HSPA12A: variants seen among roughly 807,000 people sequenced by gnomAD.
HSPA12A encodes heat shock protein family A (Hsp70) member 12A.
A neutral mutation model predicts 69.2 loss-of-function variants in HSPA12A; 28 were observed. The ratio of observed to expected loss-of-function variants is 0.40; its 90% CI spans 0.30 to 0.55. HSPA12A has a LOEUF of 0.55. Among genes scored for constraint, HSPA12A ranks in the 20% least tolerant of loss-of-function variants. The probability of loss-of-function intolerance (pLI) is 0.38; values close to 1 mark genes in which losing one functional copy is unlikely to be tolerated. For synonymous variants in HSPA12A, 345 were observed against 370.5 expected (o/e 0.93, Z 0.79); for missense variants, 686 against 900.7 (o/e 0.76, Z 3.05).
intron 1 of HSPA12A, among the ~76,000 whole-genome samples, chr10:116,729,460 G>A (rs1249794253): frequency 6.6e-6 from 1 of 152,230 alleles, no homozygotes; most frequent in South Asian, 2.1e-4. Flanking sequence ...AACGACATGA[G>A]GGTTAGGGGC....
rs1367712490 is a variant in HSPA12A at position 116,710,633 on chromosome 10, G to A, written c.41-3348C>T. ...GGCCTAGAGGCAGCCGAACTTCATG[G>A]ACTTTTTCCATCAGAAGTTAAAATT... On this transcript the variant is annotated intron_variant, in intron 1 of 11. Transcript: ENST00000369209. This position sits in a 1 kb window ranked among gnomAD's most constrained non-coding sequence, Gnocchi z 4.1. 6.6e-6 allele frequency among the ~76,000 whole-genome samples: 1 copy of A among 152,176 alleles called. No individual in the cohort carries two copies. Among genetic ancestry groups the A allele is most frequent in the Non-Finnish European group, 1.5e-5 (1 of 68,044 alleles).
chr10:116,688,759 T>C (rs1484223246), intron 6 of HSPA12A, among the ~76,000 whole-genome samples: 3 of 152,204 alleles, frequency 2.0e-5, no homozygotes, highest in African/African-American at 4.8e-5. Context: ...ATCATACATA[T>C]GGGAGCAGCA....
Position 116,672,538 on chromosome 10 carries a change from A to G in HSPA12A, c.*2243T>C, listed in dbSNP as rs1359515107. The stretch of plus-strand genomic sequence containing the variant: ...TTGCTCGGTCTTGCGTACATAGTCC[A>G]TAGCTTGGCATCAGCACAGATCGAT... On this transcript the variant is annotated 3_prime_UTR_variant, in exon 12 of 12. Transcript: ENST00000369209. 3 of 152,386 alleles carry G rather than the reference A, an allele frequency of 2.0e-5. No individual in the cohort carries two copies. Among genetic ancestry groups the G allele is most frequent in the Non-Finnish European group, 4.4e-5 (3 of 68,040 alleles). 9.4% of individuals were successfully genotyped at this position (152,386 alleles called of 1,614,324 possible).
intron 1 of HSPA12A, among the ~76,000 whole-genome samples, chr10:116,735,539 CCCAGCCGACAG>C (rs781794066): frequency 3.3e-5 from 5 of 152,268 alleles, no homozygotes; most frequent in South Asian, 2.1e-4. Context: ...GAGAACGAAG[CCCAGCCGACAG>C]CCAGCACCAA....
At chr10:116,810,710 T>C (rs1173575748) in intron 2 of HSPA12A, among the ~76,000 whole-genome samples, 1 of 152,148 alleles carries the variant, frequency 6.6e-6, no homozygotes, top group Non-Finnish European at 1.5e-5. Flanking sequence ...TCAGAAACTC[T>C]GAGGGTGGGC....
At chr10:116,771,580 G>A (rs781961336) in intron 2 of HSPA12A, among the ~76,000 whole-genome samples, 15 of 152,314 alleles carry the variant, frequency 9.8e-5, no homozygotes, top group East Asian at 9.7e-4. Context: ...GGATGTTTCC[G>A]GAATGAATAC....
At chr10:116,847,798 G>C (rs546030293) in intron 1 of HSPA12A, among the ~76,000 whole-genome samples, 5 of 152,222 alleles carry the variant, frequency 3.3e-5, no homozygotes, top group Admixed American at 6.5e-5. Flanking sequence ...GGGTTATAGG[G>C]GGAGACTCTT....
chr10:116,801,650 T>C (rs920302499), intron 2 of HSPA12A, among the ~76,000 whole-genome samples: 29 of 152,122 alleles, frequency 1.9e-4, no homozygotes, highest in African/African-American at 5.8e-4. Flanking sequence ...AAAAAAAGCA[T>C]ATTTATTATA....
rs936961212 is a variant in HSPA12A at position 116,762,666 on chromosome 10, C to A, written c.92-55381G>T. Reference sequence around the variant, plus strand: ...TGGCACAGTCTCGGCTCACTACAACCTTCACCTCCTGGGTTCAAGCGATTC... The same window carrying A: ...TGGCACAGTCTCGGCTCACTACAACATTCACCTCCTGGGTTCAAGCGATTC... On this transcript the variant is annotated intron_variant, in intron 2 of 12. Coordinates refer to the HSPA12A transcript ENST00000635765. Among the ~76,000 whole-genome samples, 22 of 152,332 alleles carry A rather than the reference C, an allele frequency of 1.4e-4. No homozygotes were observed. The East Asian group carries it at 2.5e-3, about 17-fold the overall frequency.
chr10:116,741,702 C>T (rs1289002428), intron 1 of HSPA12A, among the ~76,000 whole-genome samples: 6 of 152,192 alleles, frequency 3.9e-5, no homozygotes, highest in Admixed American at 1.3e-4. Context: ...GAGCCCTAAT[C>T]ACGCTCCCCA....
chr10:116,676,050 T>TG (rs1693241701), intron 11 of HSPA12A, among the ~76,000 whole-genome samples: 1 of 152,248 alleles, frequency 6.6e-6, no homozygotes, highest in African/African-American at 2.4e-5. Context: ...CAGGTAACAT[T>TG]GCCTCAGAGC....
intron 2 of HSPA12A, among the ~76,000 whole-genome samples, chr10:116,795,193 A>G (rs1637562): frequency 0.81 from 123,900 of 152,128 alleles, 52,743 homozygotes; most frequent in Non-Finnish European, 0.93. Context: ...CCTGCAAGGA[A>G]AGGTCCCTTC....
rs540426749 is a variant in HSPA12A at position 116,679,247 on chromosome 10, G to A, written c.1286+256C>T. Among the ~76,000 whole-genome samples, 5 of 152,332 alleles carry A rather than the reference G, an allele frequency of 3.3e-5. No individual in the cohort carries two copies. The South Asian group carries it at 1.0e-3, about 32-fold the overall frequency. On this transcript the variant is annotated intron_variant, in intron 10 of 11. Coordinates refer to ENST00000369209, the MANE Select transcript of HSPA12A (RefSeq NM_025015.3). Reference sequence around the variant, plus strand: ...GCAAACACATAGATAATACTTGCCAGGTCCCAGGCATTGTTCTAAGCACCC... The same window carrying A: ...GCAAACACATAGATAATACTTGCCAAGTCCCAGGCATTGTTCTAAGCACCC...
At chr10:116,725,836 C>A (rs1850936154) in intron 1 of HSPA12A, among the ~76,000 whole-genome samples, 1 of 151,990 alleles carries the variant, frequency 6.6e-6, no homozygotes, top group Non-Finnish European at 1.5e-5. Context: ...CCTCCCCCAA[C>A]CCCTGCCACA....
chr10:116,841,902 A>G (rs1418954294), intron 1 of HSPA12A, among the ~76,000 whole-genome samples: 1 of 151,972 alleles, frequency 6.6e-6, no homozygotes, highest in East Asian at 1.9e-4. Flanking sequence ...CATAATGACA[A>G]AAAAAAATTC....
intron 2 of HSPA12A, among the ~76,000 whole-genome samples, chr10:116,800,965 C>T (rs932878265): frequency 4.6e-5 from 7 of 152,192 alleles, no homozygotes; most frequent in African/African-American, 1.7e-4. Flanking sequence ...TTTCCTTGCT[C>T]AGAACTCTGT....
At chr10:116,688,260 T>G (rs1849635461) in intron 6 of HSPA12A, among the ~76,000 whole-genome samples, 2 of 152,190 alleles carry the variant, frequency 1.3e-5, no homozygotes, top group Admixed American at 1.3e-4. Flanking sequence ...CCAGCCTTTT[T>G]TCCTGCAGTT....
chr10:116,750,705 G>T lies in HSPA12A; in HGVS notation c.92-43420C>A, dbSNP rs557952448. ...TAAATAAAGAGAGGGGCCGGGCTCCGTGGCTCACACCTGTAATCCCAGCAC... is the reference window on the plus strand; with the variant it reads ...TAAATAAAGAGAGGGGCCGGGCTCCTTGGCTCACACCTGTAATCCCAGCAC... On this transcript the variant is annotated intron_variant, in intron 2 of 12. Coordinates refer to the HSPA12A transcript ENST00000635765. 2.7e-5 allele frequency: 5 copies of T among 186,674 alleles called. No homozygotes were observed. In the South Asian group the frequency reaches 4.6e-4, roughly 17 times the overall value. 11.6% of individuals were successfully genotyped at this position (186,674 alleles called of 1,614,324 possible). A position where few individuals can be genotyped will look rare whatever the true frequency, so the allele number is the denominator to read the frequency against.
intron 2 of HSPA12A, among the ~76,000 whole-genome samples, chr10:116,752,435 CATCCT>C (rs1414337981): frequency 6.6e-6 from 1 of 152,218 alleles, no homozygotes; most frequent in Non-Finnish European, 1.5e-5. Context: ...CTCACTTATT[CATCCT>C]ATCCGTCAAT....
Sources: allele counts gnomAD v4.1 joint callset (sites outside exome capture counted in the v4.1 genomes callset), GRCh38; gene constraint gnomAD v4.1.1; non-coding constraint Gnocchi (gnomAD v3.1); transcripts MANE v1.5; gene names NCBI Gene and HGNC (gene_info 2026-07-23, HGNC 2026-07-21).